The following RNU6ATAC variants were observed in gnomAD, a reference collection of about 807,000 sequenced individuals.
RNU6ATAC encodes the protein RNA, U6atac small nuclear.
At chr9:134,164,539 T>C (rs1200166784) in exon 1 of RNU6ATAC, 1 of 152,104 alleles carries the variant, frequency 6.6e-6, no homozygotes, top group African/African-American at 2.4e-5. Flanking sequence ...AGGGGAGTGC[T>C]AACCTTCTCT....
chr9:134,164,477 G>C (rs1239721980), exon 1 of RNU6ATAC: 1 of 150,794 alleles, frequency 6.6e-6, no homozygotes. Context: ...AGGTGGCAAT[G>C]CCTTAACCGT....
At chr9:134,164,531 G>A (rs1325441866) in exon 1 of RNU6ATAC, 2 of 151,860 alleles carry the variant, frequency 1.3e-5, no homozygotes, top group African/African-American at 2.4e-5. Context: ...CCTTGTCAAG[G>A]GGAGTGCTAA....
chr9:134,164,526 T>TC (rs556276817), exon 1 of RNU6ATAC: 55 of 152,202 alleles, frequency 3.6e-4, no homozygotes, highest in African/African-American at 1.2e-3. Flanking sequence ...TCCATCCTTG[T>TC]CAAGGGGAGT....
exon 1 of RNU6ATAC, chr9:134,164,526 T>TG (rs1554729383): frequency 6.6e-6 from 1 of 152,084 alleles, no homozygotes; most frequent in Admixed American, 6.6e-5. Context: ...TCCATCCTTG[T>TG]CAAGGGGAGT....
chr9:134,164,508 G>C (rs907304037), exon 1 of RNU6ATAC: 1 of 151,590 alleles, frequency 6.6e-6, no homozygotes, highest in African/African-American at 2.4e-5. Context: ...TCAGGCCCGA[G>C]GGCCTCTTCC....
At chr9:134,164,542 CCTT>C (rs1833029245) in exon 1 of RNU6ATAC, 1 of 152,118 alleles carries the variant, frequency 6.6e-6, no homozygotes, top group Admixed American at 6.5e-5. Flanking sequence ...GGAGTGCTAA[CCTT>C]CTCTCCTTTC....
exon 1 of RNU6ATAC, chr9:134,164,558 A>G (rs1554729417): frequency 1.3e-5 from 2 of 152,048 alleles, no homozygotes; most frequent in East Asian, 1.9e-4. Flanking sequence ...CTCCTTTCAT[A>G]CAACACGCCT....
At chr9:134,164,480 T>C (rs971866260) in exon 1 of RNU6ATAC, 1 of 149,980 alleles carries the variant, frequency 6.7e-6, no homozygotes, top group Non-Finnish European at 1.5e-5. Context: ...TGGCAATGCC[T>C]TAACCGTATG....
At chr9:134,164,528 A>T (rs1269598206) in exon 1 of RNU6ATAC, 1 of 151,562 alleles carries the variant, frequency 6.6e-6, no homozygotes, top group Non-Finnish European at 1.5e-5. Context: ...CATCCTTGTC[A>T]AGGGGAGTGC....
chr9:134,164,483 A>C (rs923056004), exon 1 of RNU6ATAC: 1 of 151,606 alleles, frequency 6.6e-6, no homozygotes, highest in Admixed American at 6.6e-5. Flanking sequence ...CAATGCCTTA[A>C]CCGTATGCGT....
exon 1 of RNU6ATAC, chr9:134,164,524 T>TG (rs1191891175): frequency 6.6e-6 from 1 of 152,116 alleles, no homozygotes; most frequent in African/African-American, 2.4e-5. Context: ...CTTCCATCCT[T>TG]GTCAAGGGGA....
chr9:134,164,514 C>T (rs1286283900), exon 1 of RNU6ATAC: 4 of 152,036 alleles, frequency 2.6e-5, no homozygotes, highest in Admixed American at 2.0e-4. Context: ...CCGAGGGCCT[C>T]TTCCATCCTT....
At chr9:134,164,489 T>C (rs533376785) in exon 1 of RNU6ATAC, 19 of 152,008 alleles carry the variant, frequency 1.2e-4, no homozygotes, top group South Asian at 6.2e-4. Flanking sequence ...CTTAACCGTA[T>C]GCGTGTTGTC....
exon 1 of RNU6ATAC, chr9:134,164,497 G>A (rs1382106668): frequency 2.0e-5 from 3 of 150,544 alleles, no homozygotes; most frequent in Non-Finnish European, 2.9e-5. Context: ...TATGCGTGTT[G>A]TCAGGCCCGA....
chr9:134,164,444 AC>A (rs1279685906), exon 1 of RNU6ATAC: 22 of 151,920 alleles, frequency 1.4e-4, no homozygotes, highest in African/African-American at 4.8e-4. Flanking sequence ...AAAAAAAAAA[AC>A]GATGGTTAGA....
exon 1 of RNU6ATAC, chr9:134,164,448 T>C (rs1474423103): frequency 1.3e-5 from 2 of 148,924 alleles, no homozygotes; most frequent in Non-Finnish European, 3.0e-5. Flanking sequence ...AAAAAAACGA[T>C]GGTTAGATGC....
exon 1 of RNU6ATAC, chr9:134,164,462 G>C (rs192729863): frequency 4.0e-5 from 6 of 151,020 alleles, no homozygotes; most frequent in African/African-American, 9.7e-5. Context: ...TAGATGCCAC[G>C]AAGTAGGTGG....
At chr9:134,164,514 C>CT (rs1554729359) in exon 1 of RNU6ATAC, 1 of 152,036 alleles carries the variant, frequency 6.6e-6, no homozygotes, top group African/African-American at 2.4e-5. Flanking sequence ...CCGAGGGCCT[C>CT]TTCCATCCTT....
chr9:134,164,536 T>C (rs1166751573), exon 1 of RNU6ATAC: 1 of 151,056 alleles, frequency 6.6e-6, no homozygotes, highest in Non-Finnish European at 1.5e-5. Flanking sequence ...TCAAGGGGAG[T>C]GCTAACCTTC....
Sources: gnomAD v4.1 joint callset for allele counts on GRCh38, gnomAD v4.1.1 for gene constraint, MANE v1.5 for transcripts, NCBI Gene and HGNC (gene_info 2026-07-23, HGNC 2026-07-21) for gene names.